Variants in LRCH3 observed in about 807,000 individuals in gnomAD.
LRCH3 encodes the protein DISP complex protein LRCH3.
Under a neutral mutation model 104.5 loss-of-function variants are expected in LRCH3, and 68 were observed. That is an observed-to-expected ratio of 0.65 (90% CI 0.54 to 0.80). The LOEUF (loss-of-function observed/expected upper bound fraction) is 0.80, where lower values mean the gene tolerates loss of function less well. LRCH3 is among the 30% of genes least tolerant of loss of function. LRCH3 has a pLI of 0.00. For synonymous variants in LRCH3, 344 were observed against 361.3 expected (o/e 0.95, Z 0.54); for missense variants, 951 against 953.9 (o/e 1.00, Z 0.04).
chr3:197,879,981 T>TTCC (rs1713493545), intron 20 of LRCH3, among the ~76,000 whole-genome samples: 1 of 150,734 alleles, frequency 6.6e-6, no homozygotes, highest in Non-Finnish European at 1.5e-5. Context: ...AGTCTCGCTC[T>TTCC]GTCACCCAGG....
intron 15 of LRCH3, among the ~76,000 whole-genome samples, chr3:197,861,121 C>A (rs1482997533): frequency 6.6e-6 from 1 of 152,018 alleles, no homozygotes; most frequent in Non-Finnish European, 1.5e-5. Flanking sequence ...TACAGGTGCC[C>A]ACCACCAAGC....
chr3:197,883,099 C>A lies in LRCH3; in HGVS notation c.2209-442C>A. 2.0e-6 allele frequency: 2 copies of A among 986,078 alleles called. No individual in the cohort carries two copies. Among genetic ancestry groups the A allele is most frequent in the Non-Finnish European group, 2.4e-6 (2 of 830,436 alleles). The allele number at this position is 986,078 out of a possible 1,614,324, so 61.1% of individuals were successfully genotyped here. A position where few individuals can be genotyped will look rare whatever the true frequency, so the allele number is the denominator to read the frequency against. On this transcript the variant is annotated intron_variant, in intron 20 of 20. Transcript: ENST00000425562. This position sits in a 1 kb window ranked among gnomAD's most constrained non-coding sequence, Gnocchi z 4.2. ...TGAGTTATGTTTTCAAACTATCTTT[C>A]ATTCTTGTGGTAGGGAACTTACCCT...
chr3:197,812,504 G>GGTTTTTTTTTTTTTTTT (rs1733248663), intron 1 of LRCH3, among the ~76,000 whole-genome samples: 1 of 48,956 alleles, frequency 2.0e-5, no homozygotes, highest in Non-Finnish European at 3.5e-5. Context: ...TCTGCTTTCA[G>GGTTTTTTTTTTTTTTTT]TTTTTTTTTT....
intron 8 of LRCH3, among the ~76,000 whole-genome samples, chr3:197,832,914 A>T (rs1262300739): frequency 2.6e-5 from 4 of 152,106 alleles, no homozygotes; most frequent in Non-Finnish European, 4.4e-5. Flanking sequence ...GTTTAATTTC[A>T]TATTTAAATT....
intron 1 of LRCH3, among the ~76,000 whole-genome samples, chr3:197,792,178 T>C (rs1730602394): frequency 6.6e-6 from 1 of 151,896 alleles, no homozygotes; most frequent in Admixed American, 6.6e-5. Context: ...CGCCTCCATC[T>C]AGTTGACTTA....
At chr3:197,821,750 C>A (rs990400959) in intron 4 of LRCH3, among the ~76,000 whole-genome samples, 1 of 152,244 alleles carries the variant, frequency 6.6e-6, no homozygotes, top group Non-Finnish European at 1.5e-5. Context: ...ACATGGCTCA[C>A]TGCAGCCTCG....
chr3:197,818,575 T>C (rs1352833531), intron 3 of LRCH3, among the ~76,000 whole-genome samples: 1 of 152,246 alleles, frequency 6.6e-6, no homozygotes, highest in Non-Finnish European at 1.5e-5. Flanking sequence ...CCACTATTTT[T>C]GGAGCCAGTT....
chr3:197,831,162 A>G (rs1253291001), intron 7 of LRCH3: 1 of 270,758 alleles, frequency 3.7e-6, no homozygotes, highest in Non-Finnish European at 7.2e-6. Context: ...GGTGGGGGGT[A>G]ATCTCGAGCA....
At chr3:197,822,140 A>G (rs749484852) in intron 4 of LRCH3, among the ~76,000 whole-genome samples, 11 of 152,214 alleles carry the variant, frequency 7.2e-5, no homozygotes, top group Non-Finnish European at 1.6e-4. Context: ...GTCCACTTTT[A>G]TATACTTACT....
At chr3:197,799,821 C>G (rs761576172) in intron 1 of LRCH3, among the ~76,000 whole-genome samples, 2 of 151,178 alleles carry the variant, frequency 1.3e-5, no homozygotes, top group Non-Finnish European at 2.9e-5. Flanking sequence ...TGCAGTGAGC[C>G]GAGATCACGT....
chr3:197,846,042 A>G (rs965400200), intron 10 of LRCH3, among the ~76,000 whole-genome samples: 4 of 152,198 alleles, frequency 2.6e-5, no homozygotes, highest in African/African-American at 7.2e-5. Flanking sequence ...GCTAAAAGCT[A>G]TGGGAAATTT....
At chr3:197,805,182 C>T (rs925179444) in intron 1 of LRCH3, among the ~76,000 whole-genome samples, 2 of 152,146 alleles carry the variant, frequency 1.3e-5, no homozygotes, top group Non-Finnish European at 2.9e-5. Context: ...CGTGAGCCAC[C>T]GCGCCTGGCC....
chr3:197,864,982 AGAGT>A (rs996085063), intron 15 of LRCH3, among the ~76,000 whole-genome samples: 24 of 152,222 alleles, frequency 1.6e-4, no homozygotes, highest in Middle Eastern at 3.4e-3. Context: ...CTGGGCAACA[AGAGT>A]GAGACCTTGT....
chr3:197,882,530 A>C, intron 20 of LRCH3: 1 of 943,244 alleles, frequency 1.1e-6, no homozygotes, highest in Non-Finnish European at 1.3e-6. Context: ...AACAAAAAAC[A>C]AAAAACAAAA....
In LRCH3 at chr3:197,792,604, T is replaced by TATATATATATATATATATATATATAA. The variant is rs1553912025; in HGVS notation, c.262+1065_262+1066insTATATATATATATATATATATATAAA. 3.4e-4 allele frequency among the ~76,000 whole-genome samples: 20 copies of TATATATATATATATATATATATATAA among 58,550 alleles called. 1 individual carries two copies. The highest frequency in any genetic ancestry group is 5.8e-4 in the Non-Finnish European group (16 of 27,426). The allele number at this position is 58,550 out of a possible 152,430, so 38.4% of individuals were successfully genotyped here. ...ATATATATATATATATATATATATA[T>TATATATATATATATATATATATATAA]AAAATATACATATATATATAATATA... On this transcript the variant is annotated intron_variant, in intron 1 of 20. Coordinates refer to ENST00000425562, the MANE Select transcript of LRCH3 (RefSeq NM_001365715.1).
At chr3:197,800,846 A>G (rs1342258457) in intron 1 of LRCH3, among the ~76,000 whole-genome samples, 3 of 152,210 alleles carry the variant, frequency 2.0e-5, no homozygotes, top group Non-Finnish European at 4.4e-5. Flanking sequence ...CTATAATCCC[A>G]GCACTTTGGG....
chr3:197,860,958 A>T (rs544771448), intron 15 of LRCH3, among the ~76,000 whole-genome samples: 1 of 148,366 alleles, frequency 6.7e-6, no homozygotes, highest in South Asian at 2.1e-4. Context: ...GCTTTTTTAA[A>T]TGCTGACCCC....
intron 1 of LRCH3, among the ~76,000 whole-genome samples, chr3:197,808,991 C>G (rs1339033942): frequency 6.6e-6 from 1 of 151,638 alleles, no homozygotes; most frequent in Non-Finnish European, 1.5e-5. Flanking sequence ...CTCTCTCTTA[C>G]TGCTTTCAAT....
rs77625266 is a variant in LRCH3 at position 197,862,885 on chromosome 3, A to G, written c.1717-2538A>G. 2.0e-3 allele frequency among the ~76,000 whole-genome samples: 312 copies of G among 152,360 alleles called. 5 individuals are homozygous for G. In the East Asian group the frequency reaches 0.053, roughly 26 times the overall value. On this transcript the variant is annotated intron_variant, in intron 15 of 20. Transcript: ENST00000425562. ...CTTACGAGCTCAGCTCACTGTTTAA[A>G]TCTTAGTTCTCCACCTGTGATATCA...
Sources: allele counts gnomAD v4.1 joint callset (sites outside exome capture counted in the v4.1 genomes callset), GRCh38; gene constraint gnomAD v4.1.1; non-coding constraint Gnocchi (gnomAD v3.1); transcripts MANE v1.5; gene names NCBI Gene and HGNC (gene_info 2026-07-23, HGNC 2026-07-21).